TASP1: variants seen among roughly 807,000 people sequenced by gnomAD.
The protein encoded by TASP1 is taspase 1.
A neutral mutation model predicts 56.6 loss-of-function variants in TASP1; 16 were observed. That is an observed-to-expected ratio of 0.28 (90% CI 0.19 to 0.43). The LOEUF is 0.43. TASP1 is among the 20% of genes least tolerant of loss of function. The pLI is 1.00. For missense variants in TASP1, 393 were observed against 511.6 expected (o/e 0.77, Z 2.24); for synonymous variants, 179 against 184.2 (o/e 0.97, Z 0.23).
chr20:13,325,613 G>A, the TASP1 span, among the ~76,000 whole-genome samples: 76 of 152,150 alleles, frequency 5.0e-4, no homozygotes, highest in African/African-American at 1.7e-3. Flanking sequence ...TGTTCCCTTC[G>A]GAAGACGAAA....
chr20:13,235,699 C>T, the TASP1 span, among the ~76,000 whole-genome samples: 2 of 152,152 alleles, frequency 1.3e-5, no homozygotes, highest in African/African-American at 4.8e-5. Flanking sequence ...CATCTTTTTT[C>T]AGAATGGTTG....
chr20:13,306,838 G>A, the TASP1 span, among the ~76,000 whole-genome samples: 30 of 152,102 alleles, frequency 2.0e-4, no homozygotes, highest in Non-Finnish European at 3.5e-4. Context: ...GGGGACTCTG[G>A]TCAAGAAAGA....
the TASP1 span, among the ~76,000 whole-genome samples, chr20:13,340,600 G>A: frequency 6.6e-6 from 1 of 151,856 alleles, no homozygotes; most frequent in African/African-American, 2.4e-5. Context: ...AGCATACAAT[G>A]TGTAATTATC....
chr20:13,412,869 T>A (rs2042136265), intron 13 of TASP1, among the ~76,000 whole-genome samples: 1 of 152,172 alleles, frequency 6.6e-6, no homozygotes, highest in South Asian at 2.1e-4. Flanking sequence ...CTTAATGGGG[T>A]CTAGTCATCT....
chr20:13,325,799 AT>A, the TASP1 span, among the ~76,000 whole-genome samples: 1 of 152,264 alleles, frequency 6.6e-6, no homozygotes, highest in South Asian at 2.1e-4. Context: ...TTAACAGAAA[AT>A]TTTTCAAGTA....
chr20:13,117,726 G>T, the TASP1 span: 6 of 1,607,540 alleles, frequency 3.7e-6, no homozygotes, highest in Non-Finnish European at 5.1e-6. Context: ...TGGAAGGAAG[G>T]TAAGAGAGGG....
At chr20:13,550,147 T>TACACACACACACACACACAC (rs149572327) in intron 8 of TASP1, among the ~76,000 whole-genome samples, 1 of 135,304 alleles carries the variant, frequency 7.4e-6, no homozygotes, top group African/African-American at 2.8e-5. Context: ...TATATACACA[T>TACACACACACACACACACAC]ACACACACAC....
the TASP1 span, among the ~76,000 whole-genome samples, chr20:13,362,269 C>T: frequency 1.3e-5 from 2 of 151,618 alleles, no homozygotes; most frequent in African/African-American, 2.4e-5. Context: ...GCCAAGCCAT[C>T]GCATCCCCTG....
At chr20:13,424,759 C>G (rs2042562521) in intron 12 of TASP1, among the ~76,000 whole-genome samples, 2 of 151,936 alleles carry the variant, frequency 1.3e-5, no homozygotes, top group South Asian at 4.2e-4. Flanking sequence ...AAGGCCAAAG[C>G]CCAGGGCTTT....
At chr20:13,323,414 C>T in the TASP1 span, among the ~76,000 whole-genome samples, 1 of 152,162 alleles carries the variant, frequency 6.6e-6, no homozygotes, top group Admixed American at 6.5e-5. Context: ...ACTATTGAAC[C>T]GTGGTTCCCA....
the TASP1 span, among the ~76,000 whole-genome samples, chr20:13,317,863 T>C: frequency 1.3e-5 from 2 of 151,874 alleles, no homozygotes; most frequent in Non-Finnish European, 2.9e-5. Flanking sequence ...TAGGAGAAAA[T>C]CTAGATGACC....
At chr20:13,337,064 G>T in the TASP1 span, among the ~76,000 whole-genome samples, 3 of 152,200 alleles carry the variant, frequency 2.0e-5, no homozygotes, top group Non-Finnish European at 2.9e-5. Flanking sequence ...TATGAATAGA[G>T]GCACCAGAAT....
At chr20:13,489,220 G>A (rs1232658768) in intron 10 of TASP1, among the ~76,000 whole-genome samples, 1 of 152,090 alleles carries the variant, frequency 6.6e-6, no homozygotes, top group African/African-American at 2.4e-5. Context: ...CAAGAACGAG[G>A]CCACCCTGCT....
the TASP1 span, among the ~76,000 whole-genome samples, chr20:13,146,504 T>A: frequency 4.6e-5 from 7 of 152,248 alleles, no homozygotes; most frequent in Non-Finnish European, 8.8e-5. Flanking sequence ...TCATTTAATG[T>A]GTAAAATTAC....
chr20:13,433,405 C>T (rs2042880516), intron 12 of TASP1, among the ~76,000 whole-genome samples: 1 of 151,292 alleles, frequency 6.6e-6, no homozygotes, highest in African/African-American at 2.4e-5. Context: ...ACGATTAAGA[C>T]ACCAAAGAAG....
intron 10 of TASP1, among the ~76,000 whole-genome samples, chr20:13,488,741 T>A (rs1001732304): frequency 6.6e-6 from 1 of 152,146 alleles, no homozygotes; most frequent in African/African-American, 2.4e-5. Context: ...TCACATCAAT[T>A]GGAATCATCT....
At chr20:13,201,580 CA>C in the TASP1 span, among the ~76,000 whole-genome samples, 59,475 of 137,536 alleles carry the variant, frequency 0.43, 12,373 homozygotes, top group African/African-American at 0.57. Flanking sequence ...TATTAATGTG[CA>C]AAAAAAAAAA....
At chr20:13,481,558 T>C (rs1486616761) in intron 11 of TASP1, among the ~76,000 whole-genome samples, 1 of 152,218 alleles carries the variant, frequency 6.6e-6, no homozygotes, top group African/African-American at 2.4e-5. Flanking sequence ...AGCATTCTCT[T>C]TTCTCTGCAT....
At chr20:13,279,507 T>G in the TASP1 span, 1 of 911,878 alleles carries the variant, frequency 1.1e-6, no homozygotes, top group Admixed American at 2.7e-5. Flanking sequence ...CGCCATGCAA[T>G]CTCAGCTTTC....
Sources: gnomAD v4.1 joint callset for allele counts (sites outside exome capture counted in the v4.1 genomes callset) on GRCh38, gnomAD v4.1.1 for gene constraint, MANE v1.5 for transcripts, NCBI Gene and HGNC (gene_info 2026-07-23, HGNC 2026-07-21) for gene names.